The following F5 variants were observed in gnomAD, a reference collection of about 807,000 sequenced individuals.
F5 encodes the protein activated protein c cofactor.
A neutral mutation model predicts 216.4 loss-of-function variants in F5; 138 were observed. That is an observed-to-expected ratio of 0.64 (90% CI 0.56 to 0.73). The LOEUF (loss-of-function observed/expected upper bound fraction) is 0.73, where lower values mean the gene tolerates loss of function less well. Ranked by LOEUF, F5 falls within the 30% of genes least tolerant of loss-of-function variation. The pLI, the probability that F5 is intolerant of heterozygous loss-of-function variation, is 0.00. For synonymous variants in F5, 916 were observed against 930.7 expected (o/e 0.98, Z 0.29); for missense variants, 2,403 against 2,674.0 (o/e 0.90, Z 2.24).
chr1:169,521,598 G>C (rs1659307958), intron 21 of F5, among the ~76,000 whole-genome samples: 1 of 149,882 alleles, frequency 6.7e-6, no homozygotes, highest in African/African-American at 2.5e-5. Flanking sequence ...ATAAAACAAG[G>C]CTGGTTCTGT....
rs148002488 is a variant in F5 at position 169,540,821 on chromosome 1, G to T, written c.4269C>A (p.Asn1423Lys). Residue 1423 changes from asparagine to lysine, a missense_variant, in exon 13 of 25, where the codon AAC becomes AAA. By Grantham distance (94) the Asn-to-Lys change is moderately conservative. Transcript: ENST00000367797. The part of the protein sequence containing the change: ...PDLGETDLSP[N>K]FGQMSLSPDL... ...CTGGGGAAAGGGACATCTGACCAAA[G>T]TTTGGGGAAAGATCTGTCTCACCAA... The T allele has an allele frequency of 6.2e-7, 1 of 1,613,330 alleles. No homozygotes were observed. The highest frequency in any genetic ancestry group is 1.3e-5 in the African/African-American group (1 of 74,702).
At chr1:169,538,134 T>C (rs140293700) in intron 13 of F5, among the ~76,000 whole-genome samples, 1 of 152,110 alleles carries the variant, frequency 6.6e-6, no homozygotes, top group Non-Finnish European at 1.5e-5. Context: ...AACAATGAAA[T>C]ACTATTTAGC....
chr1:169,518,221 T>C (rs987258988), intron 23 of F5, among the ~76,000 whole-genome samples, 191 bp downstream of exon 23: 3 of 152,186 alleles, frequency 2.0e-5, no homozygotes, highest in Non-Finnish European at 4.4e-5. Context: ...GATAAATGAC[T>C]TCTCTCTGAG....
intron 6 of F5, among the ~76,000 whole-genome samples, chr1:169,556,159 A>G (rs1476802192): frequency 6.6e-6 from 1 of 152,140 alleles, no homozygotes; most frequent in Non-Finnish European, 1.5e-5. Context: ...TATGCCATGT[A>G]TGATCCATTC....
chr1:169,554,838 A>T (rs1282074584), intron 7 of F5, among the ~76,000 whole-genome samples: 2 of 152,180 alleles, frequency 1.3e-5, no homozygotes, highest in African/African-American at 4.8e-5. Context: ...TGAATTTCCA[A>T]ATCTCTTAAT....
rs78775894 is a variant in F5, at chr1:169,567,961, A to G, written c.373+4260T>C. The stretch of plus-strand genomic sequence containing the variant: ...AGATGCTATAACACTTGTGCTAGGT[A>G]TAGCAGGGTGACTGATTTTCTAACA... On this transcript the variant is annotated intron_variant, in intron 3 of 24. Transcript: ENST00000367797. Among the ~76,000 whole-genome samples, 398 of 152,256 alleles carry G rather than the reference A, an allele frequency of 2.6e-3. 1 individual carries two copies. Among genetic ancestry groups the G allele is most frequent in the Non-Finnish European group, 2.6e-3 (177 of 67,990 alleles).
chr1:169,546,736 C>T (rs559227731), intron 10 of F5, 144 bp from the exon 11 acceptor site: 22 of 752,726 alleles, frequency 2.9e-5, no homozygotes, highest in South Asian at 9.7e-5. Context: ...ATTCTCTATT[C>T]CATAAATGGT....
Position 169,535,255 on chromosome 1 carries a change from C to T in F5, c.4971+1251G>A, listed in dbSNP as rs569287387. Among the ~76,000 whole-genome samples the T allele has an allele frequency of 7.9e-5, 12 of 152,202 alleles. 1 individual carries two copies. In the South Asian group the frequency reaches 1.7e-3, roughly 21 times the overall value. Reference sequence around the variant, plus strand: ...GAAATCCAGGGCTAAAACAAAGATTCAGTATTTGATTTTTTTCCTTTTGCC... The same window carrying T: ...GAAATCCAGGGCTAAAACAAAGATTTAGTATTTGATTTTTTTCCTTTTGCC... On this transcript the variant is annotated intron_variant, in intron 14 of 24. Coordinates refer to ENST00000367797, the MANE Select transcript of F5 (RefSeq NM_000130.5).
Position 169,540,446 on chromosome 1 carries a change from G to A in F5, c.4644C>T (p.Asp1548=), listed in dbSNP as rs866964348. ...TTGTCCTAACATCAGTTTTGTAGGG[G>A]TCATCATAGGGCACATAATCAATTT... is the stretch of plus-strand genomic sequence containing the variant. ...YAEIDYVPYD[D]PYKTDVRTNI... The change falls in exon 13 of 25, where the codon GAC becomes GAT. Residue 1548 remains aspartate (D), a synonymous_variant. Transcript: ENST00000367797. 1 of 1,613,990 alleles carries A rather than the reference G, an allele frequency of 6.2e-7. No individual in the cohort carries two copies. Among genetic ancestry groups the A allele is most frequent in the African/African-American group, 1.3e-5 (1 of 75,010 alleles).
rs141802660 is a variant in F5, at chr1:169,540,871, C to T, written c.4219G>A (p.Asp1407Asn). The change falls in exon 13 of 25, where the codon GAC (aspartate) becomes AAC (asparagine). Residue 1407 changes from aspartate to asparagine, a missense_variant. Physicochemically the swap from Asp to Asn is conservative, Grantham distance 23 (BLOSUM62 1). Transcript: ENST00000367797. ...LSQIPLTPDL[D>N]QMTLSPDLGE... ...AGGTCTGGAGAAAGTGTCATCTGGT[C>T]GAGGTCTGGGGTAAGGGGAATTTGA... 50 of 1,610,348 alleles carry T rather than the reference C, an allele frequency of 3.1e-5. No individual in the cohort carries two copies. The highest frequency in any genetic ancestry group is 2.9e-4 in the East Asian group (13 of 44,360).
Position 169,541,110 on chromosome 1 carries a change from T to C in F5, c.3980A>G (p.His1327Arg), listed in dbSNP as rs1800595. ...GCTGAAGTCTAGAGAAAGGGTTGTA[T>C]GGCTGAGGTCTGGAGAAATGGGCAT... Reference protein sequence around the residue: ...GQMPISPDLSHTTLSLDFSQT... With the variant: ...GQMPISPDLSRTTLSLDFSQT... The change falls in exon 13 of 25, where the codon CAT (histidine) becomes CGT (arginine). Residue 1327 changes from histidine to arginine, a missense_variant. Physicochemically the swap from His to Arg is conservative, Grantham distance 29. Transcript: ENST00000367797. 80,308 of 1,538,076 alleles carry C rather than the reference T, an allele frequency of 0.052. 3,267 individuals are homozygous for C. The highest frequency in any genetic ancestry group is 0.085 in the Admixed American group (4,673 of 55,268).
chr1:169,564,767 G>A (rs909750266), intron 3 of F5, among the ~76,000 whole-genome samples: 1 of 151,950 alleles, frequency 6.6e-6, no homozygotes, highest in South Asian at 2.1e-4. Flanking sequence ...GAGTTTGCAT[G>A]GCATCAGCAT....
intron 24 of F5, 35 bp from the exon 25 acceptor site, chr1:169,514,494 A>G (rs924934461): frequency 1.2e-5 from 19 of 1,595,376 alleles, no homozygotes; most frequent in Non-Finnish European, 1.6e-5. Flanking sequence ...TTTAATGACA[A>G]CATAAATGGC....
In F5 at chr1:169,529,828, C is replaced by G. The variant is rs768390571; in HGVS notation, c.5209-10G>C. On this transcript the variant is annotated splice_polypyrimidine_tract_variant and intron_variant, in intron 15 of 24. Coordinates refer to ENST00000367797, the MANE Select transcript of F5 (RefSeq NM_000130.5). Reference sequence around the variant, plus strand: ...AGTGAATATCTTTTTCCTGGAAAAACAGAGTAAATTGTATTGCCTCTTTCT... The same window carrying G: ...AGTGAATATCTTTTTCCTGGAAAAAGAGAGTAAATTGTATTGCCTCTTTCT... 3.7e-6 allele frequency: 6 copies of G among 1,609,486 alleles called. No individual in the cohort carries two copies. The highest frequency in any genetic ancestry group is 3.3e-5 in the Admixed American group (2 of 59,978).
At chr1:169,529,543 G>A (rs1444416822) in intron 16 of F5, 65 bp downstream of exon 16, 1 of 1,402,866 alleles carries the variant, frequency 7.1e-7, no homozygotes, top group Non-Finnish European at 1.0e-6. Flanking sequence ...AATATCTAAG[G>A]GCAGAAATCA....
At chr1:169,535,032 G>C (rs1187231764) in intron 14 of F5, among the ~76,000 whole-genome samples, 6 of 152,130 alleles carry the variant, frequency 3.9e-5, no homozygotes, top group African/African-American at 7.2e-5. Context: ...CTTCTAGAAG[G>C]GGGAAGGAAG....
intron 2 of F5, among the ~76,000 whole-genome samples, chr1:169,574,641 C>T (rs1660802549): frequency 1.3e-5 from 2 of 152,150 alleles, no homozygotes; most frequent in Admixed American, 1.3e-4. Flanking sequence ...ACTGTAAGTC[C>T]CTACATTAAT....
intron 8 of F5, 152 bp downstream of exon 8, chr1:169,552,405 A>G: frequency 1.5e-6 from 1 of 687,026 alleles, no homozygotes; most frequent in Non-Finnish European, 2.4e-6. Context: ...AGTAAGCTGT[A>G]AATAAATACA....
At chr1:169,546,299 A>G in intron 11 of F5, 143 bp downstream of exon 11, 1 of 1,010,890 alleles carries the variant, frequency 9.9e-7, no homozygotes. Flanking sequence ...CACGGATTTC[A>G]TCACCAAGTC....
Sources: allele counts gnomAD v4.1 joint callset (sites outside exome capture counted in the v4.1 genomes callset), GRCh38; gene constraint gnomAD v4.1.1; transcripts MANE v1.5; gene names NCBI Gene and HGNC (gene_info 2026-07-23, HGNC 2026-07-21).